Variants in NSMCE2 observed in about 807,000 individuals in gnomAD.
The protein encoded by NSMCE2 is NSE2 SUMO ligase component of SMC5/6 complex, also known as E3 SUMO-protein ligase NSE2.
Under a neutral mutation model 23.8 loss-of-function variants are expected in NSMCE2, and 24 were observed. The observed-to-expected ratio is 1.01, with a 90% confidence interval of 0.73 to 1.42. The LOEUF (loss-of-function observed/expected upper bound fraction) is 1.42, where lower values mean the gene tolerates loss of function less well. Ranked by LOEUF, NSMCE2 falls within the 40% of genes most tolerant of loss-of-function variation. The pLI, the probability that NSMCE2 is intolerant of heterozygous loss-of-function variation, is 0.00. For synonymous variants in NSMCE2, 92 were observed against 94.1 expected (o/e 0.98, Z 0.13); for missense variants, 284 against 296.5 (o/e 0.96, Z 0.31).
At chr8:125,153,354 T>G (rs1160926063) in intron 4 of NSMCE2, among the ~76,000 whole-genome samples, 2 of 152,200 alleles carry the variant, frequency 1.3e-5, no homozygotes, top group Non-Finnish European at 2.9e-5. Context: ...TTATTTTTCT[T>G]TTATGATACA....
At chr8:125,280,389 T>C (rs955404873) in intron 5 of NSMCE2, among the ~76,000 whole-genome samples, 10 of 152,330 alleles carry the variant, frequency 6.6e-5, no homozygotes, top group African/African-American at 2.2e-4. Context: ...TTCTAAAACA[T>C]TTACCTAAAA....
chr8:125,282,275 A>G (rs1827726300), intron 5 of NSMCE2, among the ~76,000 whole-genome samples: 1 of 152,020 alleles, frequency 6.6e-6, no homozygotes, highest in African/African-American at 2.4e-5. Context: ...CACTACACCC[A>G]GCAAATTTTT....
intron 5 of NSMCE2, among the ~76,000 whole-genome samples, chr8:125,273,858 T>A (rs1350627689): frequency 6.6e-6 from 1 of 152,130 alleles, no homozygotes; most frequent in African/African-American, 2.4e-5. Flanking sequence ...AATGTTAGAG[T>A]CCCAGGATCA....
rs76024466 is a variant in NSMCE2 at position 125,335,050 on chromosome 8, C to T, written c.419-22169C>T. 4.8e-3 allele frequency among the ~76,000 whole-genome samples: 724 copies of T among 152,168 alleles called. 2 individuals are homozygous for T. Among genetic ancestry groups the T allele is most frequent in the Non-Finnish European group, 7.8e-3 (533 of 68,000 alleles). On this transcript the variant is annotated intron_variant, in intron 5 of 7. Transcript: ENST00000287437. ...GGATTACAGGCGTGAGCCGCAGTAC[C>T]TGACCAGATTGCGAAGTATCTTGAA... is the stretch of plus-strand genomic sequence containing the variant.
At chr8:125,160,124 A>G (rs1258010590) in intron 4 of NSMCE2, among the ~76,000 whole-genome samples, 1 of 152,182 alleles carries the variant, frequency 6.6e-6, no homozygotes, top group Admixed American at 6.5e-5. Flanking sequence ...GAGTAAGGGA[A>G]AAGAGTCTTT....
At chr8:125,238,539 T>C (rs1825646022) in intron 5 of NSMCE2, among the ~76,000 whole-genome samples, 1 of 152,174 alleles carries the variant, frequency 6.6e-6, no homozygotes, top group Non-Finnish European at 1.5e-5. Flanking sequence ...ATCAAATAAG[T>C]GCACTGTTAG....
chr8:125,153,081 AGAATT>A (rs1037578156), intron 4 of NSMCE2, among the ~76,000 whole-genome samples: 3 of 150,762 alleles, frequency 2.0e-5, no homozygotes, highest in South Asian at 2.1e-4. Context: ...AAAAAAAAAA[AGAATT>A]GAACTTTTCC....
At chr8:125,180,030 A>C (rs1822720565) in intron 4 of NSMCE2, among the ~76,000 whole-genome samples, 1 of 152,218 alleles carries the variant, frequency 6.6e-6, no homozygotes, top group Non-Finnish European at 1.5e-5. Context: ...TTATTTTATA[A>C]ATCCAGAAAG....
intron 3 of NSMCE2, among the ~76,000 whole-genome samples, chr8:125,106,811 C>T (rs112020421): frequency 0.12 from 18,457 of 151,744 alleles, 1,303 homozygotes; most frequent in African/African-American, 0.2. Context: ...GCCTGGCTAA[C>T]ATGACGAAAA....
chr8:125,259,512 C>G (rs1826591081), intron 5 of NSMCE2, among the ~76,000 whole-genome samples: 1 of 152,140 alleles, frequency 6.6e-6, no homozygotes, highest in Admixed American at 6.6e-5. Flanking sequence ...GTCGTGTCCT[C>G]CCTACCCCTG....
At chr8:125,360,621 G>A (rs938039637) in intron 7 of NSMCE2, among the ~76,000 whole-genome samples, 4 of 152,152 alleles carry the variant, frequency 2.6e-5, no homozygotes, top group African/African-American at 7.2e-5. Context: ...ACTTGTGGGC[G>A]GGGTGGGCAG....
At chr8:125,183,765 G>A (rs1822945860) in intron 5 of NSMCE2, among the ~76,000 whole-genome samples, 1 of 151,800 alleles carries the variant, frequency 6.6e-6, no homozygotes, top group Admixed American at 6.6e-5. Context: ...CACATTATAT[G>A]ACCTCAAGTT....
intron 5 of NSMCE2, among the ~76,000 whole-genome samples, chr8:125,345,982 C>T (rs1428340904): frequency 6.6e-6 from 1 of 152,148 alleles, no homozygotes; most frequent in Non-Finnish European, 1.5e-5. Flanking sequence ...ATGGCAAAAC[C>T]CCGTCTCTAC....
At chr8:125,248,403 C>G (rs904653308) in intron 5 of NSMCE2, among the ~76,000 whole-genome samples, 7 of 152,116 alleles carry the variant, frequency 4.6e-5, no homozygotes, top group African/African-American at 1.7e-4. Flanking sequence ...CTGCAAGGGG[C>G]AAAATTAATA....
intron 3 of NSMCE2, among the ~76,000 whole-genome samples, chr8:125,149,593 A>C (rs1820880521): frequency 6.6e-6 from 1 of 152,124 alleles, no homozygotes; most frequent in Admixed American, 6.5e-5. Context: ...AATCTATTAA[A>C]TTATGTTAGA....
intron 4 of NSMCE2, among the ~76,000 whole-genome samples, chr8:125,171,913 C>T (rs1032573917): frequency 2.0e-5 from 3 of 152,144 alleles, no homozygotes; most frequent in African/African-American, 7.2e-5. Flanking sequence ...AGAGAGAGCT[C>T]TTGAGCACTT....
intron 5 of NSMCE2, among the ~76,000 whole-genome samples, chr8:125,192,605 G>T (rs755568008): frequency 2.6e-5 from 4 of 152,126 alleles, no homozygotes; most frequent in Non-Finnish European, 5.9e-5. Context: ...ATTTGAAATC[G>T]AGCACAGTCA....
chr8:125,312,600 A>C (rs1303820610), intron 5 of NSMCE2, among the ~76,000 whole-genome samples: 5 of 152,240 alleles, frequency 3.3e-5, no homozygotes, highest in Non-Finnish European at 7.3e-5. Context: ...ATTCCAGCCG[A>C]GGCTACAGAG....
In NSMCE2 at chr8:125,103,296, A is replaced by G. The variant is rs558503957; in HGVS notation, c.157+809A>G. ...ACTCCAGTCTGGACAACAGAGCAAG[A>G]CTCTGTCTCAAAAAAAAAAAGAAAA... On this transcript the variant is annotated intron_variant, in intron 3 of 7. Coordinates refer to ENST00000287437, the MANE Select transcript of NSMCE2 (RefSeq NM_173685.4). 6.7e-4 allele frequency among the ~76,000 whole-genome samples: 101 copies of G among 150,798 alleles called. 1 individual carries two copies. The highest frequency in any genetic ancestry group is 2.3e-3 in the African/African-American group (96 of 40,994).
Sources: allele counts gnomAD v4.1 joint callset (sites outside exome capture counted in the v4.1 genomes callset), GRCh38; gene constraint gnomAD v4.1.1; transcripts MANE v1.5; gene names NCBI Gene and HGNC (gene_info 2026-07-23, HGNC 2026-07-21).